The following DST variants were observed in gnomAD, a reference collection of about 807,000 sequenced individuals.
The protein encoded by DST is bullous pemphigoid antigen.
DST carries 253 observed loss-of-function variants against 875.2 expected under a neutral mutation model. That is an observed-to-expected ratio of 0.29 (90% confidence interval 0.26 to 0.32). DST has a LOEUF of 0.32. Ranked by LOEUF, DST falls within the 10% of genes least tolerant of loss-of-function variation. DST has a pLI of 1.00. For missense variants in DST, 8,287 were observed against 9,111.6 expected (o/e 0.91, Z 3.68); for synonymous variants, 3,124 against 3,197.1 (o/e 0.98, Z 0.77).
chr6:56,798,936 A>G (rs772829033), intron 4 of DST, among the ~76,000 whole-genome samples: 5 of 152,212 alleles, frequency 3.3e-5, no homozygotes, highest in Non-Finnish European at 7.3e-5. Flanking sequence ...TAGCAAGAGA[A>G]TTAGAAGTGA....
In DST at chr6:56,573,718, T is replaced by C. The variant is rs2152618031; in HGVS notation, c.13197A>G (p.Leu4399=). 1 of 1,613,690 alleles carries C rather than the reference T, an allele frequency of 6.2e-7. No homozygotes were observed. Among genetic ancestry groups the C allele is most frequent in the Non-Finnish European group, 8.5e-7 (1 of 1,179,688 alleles). ...TAATATCCTGAAGAGCAGTAGAGTTTAAAGGCACTTGACCTTGTTCTTTCA... is the reference window on the plus strand; with the variant it reads ...TAATATCCTGAAGAGCAGTAGAGTTCAAAGGCACTTGACCTTGTTCTTTCA... ...SSLKEQGQVP[L]NSTALQDIIS... The change falls in exon 51 of 104, where the codon TTA becomes TTG. Residue 4399 remains leucine, a synonymous_variant. Coordinates refer to ENST00000680361, the MANE Select transcript of DST (RefSeq NM_001374736.1).
chr6:56,920,081 T>C (rs1803316873), intron 2 of DST, among the ~76,000 whole-genome samples: 1 of 152,242 alleles, frequency 6.6e-6, no homozygotes, highest in African/African-American at 2.4e-5. Context: ...ATAGACTGTT[T>C]ACACTGCATT....
Position 56,526,508 on chromosome 6 carries a change from G to C in DST, c.17982C>G (p.Ser5994Arg). 1 of 1,613,792 alleles carries C rather than the reference G, an allele frequency of 6.2e-7. No homozygotes were observed. The highest frequency in any genetic ancestry group is 1.3e-5 in the African/African-American group (1 of 75,014). Residue 5994 changes from serine to arginine, a missense_variant, in exon 69 of 104, where the codon AGC becomes AGG. Ser to Arg is a moderately radical substitution (Grantham distance 110). Coordinates refer to ENST00000680361, the MANE Select transcript of DST (RefSeq NM_001374736.1). ...ATGGTACCAGTTCCAGCAAAGCACT[G>C]CTCACTTCATTAAGGGAGTCCAGTA... ...KALLDSLNEVSSALLELVPWR... is the reference protein window; with the variant it reads ...KALLDSLNEVRSALLELVPWR...
intron 43 of DST, 144 bp from the exon 44 acceptor site, chr6:56,601,820 CTATT>C (rs2098448767): frequency 3.6e-6 from 2 of 563,186 alleles, no homozygotes; most frequent in East Asian, 2.9e-5. Flanking sequence ...CATCAAAAAT[CTATT>C]TATCATCTAG....
At chr6:56,522,445 A>G (rs974299988) in intron 69 of DST, among the ~76,000 whole-genome samples, 1 of 151,900 alleles carries the variant, frequency 6.6e-6, no homozygotes, top group Non-Finnish European at 1.5e-5. Flanking sequence ...CATCCTTTTC[A>G]CTCCCTTCCC....
Position 56,597,773 on chromosome 6 carries a change from C to CT in DST, c.12161dup (p.Glu4055GlyfsTer11). On this transcript the variant is annotated frameshift_variant, in exon 47 of 104. Coordinates refer to ENST00000680361, the MANE Select transcript of DST (RefSeq NM_001374736.1). LOFTEE classifies it high-confidence loss of function. ...TCTGATATTGCTGATTCAGATTCTC[C>CT]TGAGTGGTTCCAACTTGCCCATCAA... The CT allele has an allele frequency of 6.2e-7, 1 of 1,613,862 alleles. No homozygotes were observed. Among genetic ancestry groups the CT allele is most frequent in the Non-Finnish European group, 8.5e-7 (1 of 1,179,818 alleles).
chr6:56,717,145 T>G (rs998767519), intron 5 of DST, among the ~76,000 whole-genome samples: 2 of 151,964 alleles, frequency 1.3e-5, no homozygotes, highest in African/African-American at 4.8e-5. Flanking sequence ...ATCGTGCCAC[T>G]GCACTCCAGC....
intron 3 of DST, among the ~76,000 whole-genome samples, chr6:56,854,568 G>A (rs1766910126): frequency 6.6e-6 from 1 of 152,094 alleles, no homozygotes; most frequent in Non-Finnish European, 1.5e-5. Context: ...CTTAAAATAT[G>A]TGCGTGTGCA....
intron 4 of DST, among the ~76,000 whole-genome samples, chr6:56,765,585 G>C (rs961114523): frequency 3.9e-5 from 6 of 152,216 alleles, no homozygotes; most frequent in African/African-American, 1.2e-4. Context: ...TTTCTGGTCT[G>C]TCTTGAGGCA....
intron 53 of DST, 67 bp downstream of exon 53, chr6:56,572,033 T>A: frequency 1.1e-6 from 1 of 914,708 alleles, no homozygotes; most frequent in Non-Finnish European, 1.5e-6. Context: ...TCTATATAAG[T>A]AAATACAAGT....
At chr6:56,461,213 C>A (rs1315245811) in intron 102 of DST, 1 of 151,842 alleles carries the variant, frequency 6.6e-6, no homozygotes, top group Non-Finnish European at 1.5e-5. Context: ...TATTAATAGT[C>A]ATTTATCTAC....
chr6:56,832,439 T>C (rs761854651), intron 4 of DST, among the ~76,000 whole-genome samples: 2 of 152,156 alleles, frequency 1.3e-5, no homozygotes, highest in African/African-American at 2.4e-5. Context: ...ATGTAAGACG[T>C]GACTTGCCCC....
At chr6:56,951,532 GCATCTTGATAGAAAAGAGA>G (rs1249597045) in intron 2 of DST, among the ~76,000 whole-genome samples, 1 of 152,080 alleles carries the variant, frequency 6.6e-6, no homozygotes, top group African/African-American at 2.4e-5. Flanking sequence ...GCAGAAAATG[GCATCTTGATAGAAAAGAGA>G]AAAGAAAAAT....
At chr6:56,814,526 A>C (rs542834834) in intron 4 of DST, among the ~76,000 whole-genome samples, 90 of 152,314 alleles carry the variant, frequency 5.9e-4, no homozygotes, top group Non-Finnish European at 9.4e-4. Context: ...AGTCTATGAC[A>C]GACCAAAGAA....
At chr6:56,539,361 TA>T (rs1374484917) in intron 61 of DST, among the ~76,000 whole-genome samples, 1 of 152,210 alleles carries the variant, frequency 6.6e-6, no homozygotes, top group Non-Finnish European at 1.5e-5. Context: ...ATTAATTTGC[TA>T]AGCTTTTAAA....
Position 56,519,147 on chromosome 6 carries a change from G to GT in DST, c.18130-1528dup, listed in dbSNP as rs1562517908. Among the ~76,000 whole-genome samples the GT allele has an allele frequency of 2.0e-5, 3 of 152,014 alleles. No individual in the cohort carries two copies. In the East Asian group the frequency reaches 5.8e-4, roughly 29 times the overall value. On this transcript the variant is annotated intron_variant, in intron 69 of 103. Transcript: ENST00000680361. The stretch of plus-strand genomic sequence containing the variant: ...CTCTGGGATTTTCTTTTTGCCTCAC[G>GT]TATCTAAGACTAAATACTGGAAAAA...
At chr6:56,770,393 CAATAAA>C (rs964869002) in intron 4 of DST, among the ~76,000 whole-genome samples, 18 of 152,232 alleles carry the variant, frequency 1.2e-4, no homozygotes, top group African/African-American at 4.1e-4. Context: ...GGCAGTGACT[CAATAAA>C]AATAATTTAG....
At chr6:56,523,791 A>T (rs971287959) in intron 69 of DST, among the ~76,000 whole-genome samples, 8 of 152,292 alleles carry the variant, frequency 5.3e-5, no homozygotes, top group African/African-American at 1.7e-4. Context: ...GTATTATTCA[A>T]GACACATGTC....
At chr6:56,755,034 C>T (rs2099598145) in intron 4 of DST, among the ~76,000 whole-genome samples, 1 of 150,634 alleles carries the variant, frequency 6.6e-6, no homozygotes. Context: ...AAGTACATTC[C>T]AGGACTATAA....
Sources: gnomAD v4.1 joint callset for allele counts (sites outside exome capture counted in the v4.1 genomes callset) on GRCh38, gnomAD v4.1.1 for gene constraint, MANE v1.5 for transcripts, NCBI Gene and HGNC (gene_info 2026-07-23, HGNC 2026-07-21) for gene names.